GOLGA8N: variants seen among roughly 807,000 people sequenced by gnomAD.
The protein encoded by GOLGA8N is golgin A8 family member N.
A neutral mutation model predicts 22.0 loss-of-function variants in GOLGA8N; 2 were observed. That is an observed-to-expected ratio of 0.09 (90% CI 0.04 to 0.29). GOLGA8N has a LOEUF of 0.29. Ranked by LOEUF, GOLGA8N falls within the 10% of genes least tolerant of loss-of-function variation. The pLI is 1.00. For missense variants in GOLGA8N, 10 were observed against 164.7 expected (o/e 0.06, Z 5.14); for synonymous variants, 2 against 58.7 (o/e 0.03, Z 4.41).
At chr15:32,599,050 A>G (rs1181446261) in intron 8 of GOLGA8N, among the ~76,000 whole-genome samples, 177 bp from the exon 9 acceptor site, 3 of 41,500 alleles carry the variant, frequency 7.2e-5, no homozygotes, top group African/African-American at 1.7e-4. Context: ...ACTCAGTCTC[A>G]TTCCCTGTCC....
In GOLGA8N at chr15:32,598,765, G is replaced by A. The variant is rs2052857450; in HGVS notation, c.592-462G>A. 4.4e-5 allele frequency among the ~76,000 whole-genome samples: 2 copies of A among 44,964 alleles called. 1 individual carries two copies. Among genetic ancestry groups the A allele is most frequent in the African/African-American group, 1.6e-4 (2 of 12,390 alleles). The allele number at this position is 44,964 out of a possible 152,430, so 29.5% of individuals were successfully genotyped here. A position where few individuals can be genotyped will look rare whatever the true frequency, so the allele number is the denominator to read the frequency against. On this transcript the variant is annotated intron_variant, in intron 8 of 18. Transcript: ENST00000448387. ...TGCCCCCATCCCCAGCAAGAAAAAC[G>A]GGCTTAGAGAATTGGATAGACCTGG...
chr15:32,605,251 T>C (rs1233722941), exon 19 of GOLGA8N: 1 of 148,614 alleles, frequency 6.7e-6, no homozygotes, highest in Non-Finnish European at 1.5e-5. Context: ...AACATTCTTA[T>C]AAACTAATAT....
At chr15:32,606,331 A>G (rs573417272) in exon 19 of GOLGA8N, 2 of 114,404 alleles carry the variant, frequency 1.7e-5, no homozygotes, top group East Asian at 4.8e-4. Context: ...TGAGGTGCCT[A>G]TGGATTAAAT....
At chr15:32,603,102 CT>C (rs2052884378) in intron 15 of GOLGA8N, 83 bp from the exon 16 acceptor site, 1 of 959,760 alleles carries the variant, frequency 1.0e-6, no homozygotes, top group Non-Finnish European at 1.6e-6. Context: ...CATGCCAGGA[CT>C]CACCTCCGCC....
chr15:32,605,370 TCTA>T (rs1441080298), exon 19 of GOLGA8N: 1 of 125,754 alleles, frequency 8.0e-6, no homozygotes, highest in African/African-American at 3.0e-5. Flanking sequence ...TGCAGTGCAA[TCTA>T]CTGTTGTTCG....
chr15:32,605,352 G>A (rs1210286887), exon 19 of GOLGA8N: 10 of 138,754 alleles, frequency 7.2e-5, no homozygotes, highest in African/African-American at 2.7e-4. Flanking sequence ...CTTAAAATGT[G>A]TACAAACTGC....
chr15:32,606,259 G>C (rs2052932606), exon 19 of GOLGA8N: 1 of 94,056 alleles, frequency 1.1e-5, no homozygotes, highest in South Asian at 3.5e-4. Flanking sequence ...AAATATCAGT[G>C]ACTAGGAATG....
At chr15:32,607,222 AT>A (rs1229607692) in exon 19 of GOLGA8N, 1 of 152,444 alleles carries the variant, frequency 6.6e-6, no homozygotes, top group Non-Finnish European at 1.5e-5. Context: ...TATTAAAGGT[AT>A]TGATACTGTG....
At chr15:32,597,626 G>A (rs2140416479) in intron 5 of GOLGA8N, 126 bp from the exon 6 acceptor site, 1 of 1,549,718 alleles carries the variant, frequency 6.5e-7, no homozygotes, top group Non-Finnish European at 8.8e-7. Flanking sequence ...ATCCCCACAG[G>A]GCCCCTGATA....
rs188425491 is a variant in GOLGA8N at position 32,606,838 on chromosome 15, A to G, written c.*2860A>G. Reference sequence around the variant, plus strand: ...CCTATCCATAATATAGTTTCTCTAAAACTTTATCTTAGTCATTTTAAAATA... The same window carrying G: ...CCTATCCATAATATAGTTTCTCTAAGACTTTATCTTAGTCATTTTAAAATA... On this transcript the variant is annotated 3_prime_UTR_variant, in exon 19 of 19. Transcript: ENST00000448387. 3.5e-3 allele frequency: 532 copies of G among 151,572 alleles called. 12 individuals are homozygous for G. The highest frequency in any genetic ancestry group is 0.012 in the African/African-American group (497 of 41,102). 9.4% of individuals were successfully genotyped at this position (151,572 alleles called of 1,614,324 possible).
intron 2 of GOLGA8N, among the ~76,000 whole-genome samples, chr15:32,595,776 T>TC (rs2052814465): frequency 2.6e-5 from 1 of 39,182 alleles, no homozygotes; most frequent in African/African-American, 9.4e-5. Flanking sequence ...AGACTCTGTC[T>TC]CAAAAAAAAA....
chr15:32,598,030 G>T, intron 7 of GOLGA8N, 38 bp from the exon 8 acceptor site: 1 of 1,181,704 alleles, frequency 8.5e-7, no homozygotes, highest in East Asian at 2.7e-5. Context: ...GTCTTCAGGG[G>T]GAGTCCTTTG....
At chr15:32,593,494 T>C in exon 1 of GOLGA8N, 1 of 1,552,916 alleles carries the variant, frequency 6.4e-7, no homozygotes, top group South Asian at 1.2e-5. Flanking sequence ...GAGGCCTTGA[T>C]CGGTTCTTAT....
At chr15:32,606,448 C>A (rs1319122494) in exon 19 of GOLGA8N, 2 of 149,336 alleles carry the variant, frequency 1.3e-5, no homozygotes. Context: ...TAAGAAAACA[C>A]TAAAAAGAAT....
exon 19 of GOLGA8N, chr15:32,607,188 T>C (rs1033881999): frequency 6.6e-6 from 1 of 152,474 alleles, no homozygotes; most frequent in Admixed American, 6.5e-5. Context: ...TAAAATTTTA[T>C]TTTGCGTTTC....
At chr15:32,606,797 G>C (rs1381503860) in exon 19 of GOLGA8N, 2 of 149,282 alleles carry the variant, frequency 1.3e-5, no homozygotes, top group Non-Finnish European at 3.0e-5. Context: ...CAGAAAATTT[G>C]AAAATGTAAA....
chr15:32,598,210 GC>G, intron 8 of GOLGA8N, 33 bp downstream of exon 8: 1 of 798,108 alleles, frequency 1.3e-6, no homozygotes, highest in Non-Finnish European at 1.8e-6. Context: ...TCCCCTGGGA[GC>G]CTGGTTTTGC....
chr15:32,597,448 C>T lies in GOLGA8N; in HGVS notation c.310-3C>T, dbSNP rs2052831937. 1.3e-6 allele frequency: 2 copies of T among 1,554,386 alleles called. No homozygotes were observed. The highest frequency in any genetic ancestry group is 1.4e-5 in the African/African-American group (1 of 73,242). ...CCATCACCTTATTTGACTCTCCCCA[C>T]AGAAACAACAGAAGAAACAAGTGGA... On this transcript the variant is annotated splice_region_variant and splice_polypyrimidine_tract_variant and intron_variant, in intron 4 of 18. Coordinates refer to ENST00000448387, the Ensembl canonical transcript of GOLGA8N.
rs2052854963 is a variant in GOLGA8N, at chr15:32,598,559, G to T, written c.591+382G>T. On this transcript the variant is annotated intron_variant, in intron 8 of 18. Coordinates refer to ENST00000448387, the Ensembl canonical transcript of GOLGA8N. ...AAACGTGTGTGCGTTGTGTGTGTGTGTGTGTGCATACTGTGATAATATACA... is the reference window on the plus strand; with the variant it reads ...AAACGTGTGTGCGTTGTGTGTGTGTTTGTGTGCATACTGTGATAATATACA... 3.7e-5 allele frequency among the ~76,000 whole-genome samples: 2 copies of T among 53,408 alleles called. 1 individual carries two copies. The highest frequency in any genetic ancestry group is 1.3e-4 in the African/African-American group (2 of 15,042). 35.0% of individuals were successfully genotyped at this position (53,408 alleles called of 152,430 possible).
Sources: gnomAD v4.1 joint callset for allele counts (sites outside exome capture counted in the v4.1 genomes callset) on GRCh38, gnomAD v4.1.1 for gene constraint, MANE v1.5 for transcripts, NCBI Gene and HGNC (gene_info 2026-07-23, HGNC 2026-07-21) for gene names.